TSPAN4: variants seen among roughly 807,000 people sequenced by gnomAD.
TSPAN4 encodes tetraspanin 4, also known as tetraspanin-4.
A neutral mutation model predicts 31.5 loss-of-function variants in TSPAN4; 38 were observed. The observed-to-expected ratio is 1.21, with a 90% CI of 0.93 to 1.58. The LOEUF is 1.58. TSPAN4 is among the 40% of genes most tolerant of loss of function. The pLI is 0.00. For missense variants in TSPAN4, 330 were observed against 317.3 expected, an observed-to-expected ratio of 1.04 and a Z score of -0.30; for synonymous variants, 186 against 144.6, an observed-to-expected ratio of 1.29 and a Z score of -2.06.
Position 848,449 on chromosome 11 carries a change from G to A in TSPAN4, c.-18+1149G>A, listed in dbSNP as rs1296932050. ...GGCATGGGGTGCTGCCCTGGGGCTT[G>A]GGCTGCAGTTCTCTACAGAGCCCTT... On this transcript the variant is annotated intron_variant, in intron 2 of 8. Coordinates refer to ENST00000397397, the MANE Select transcript of TSPAN4 (RefSeq NM_003271.5). This position sits in a 1 kb window ranked among gnomAD's most constrained non-coding sequence, Gnocchi z 5.7. Among the ~76,000 whole-genome samples the A allele has an allele frequency of 6.6e-6, 1 of 151,962 alleles. No homozygotes were observed.
chr11:852,900 A>AC (rs11324063), intron 3 of TSPAN4, among the ~76,000 whole-genome samples: 68,526 of 151,996 alleles, frequency 0.45, 16,032 homozygotes, highest in East Asian at 0.62. Flanking sequence ...GTCTGTCCTG[A>AC]CCCCCCGCTG....
chr11:844,940 C>T (rs1463278128), intron 1 of TSPAN4, among the ~76,000 whole-genome samples: 1 of 152,164 alleles, frequency 6.6e-6, no homozygotes, highest in Non-Finnish European at 1.5e-5. Context: ...ACAGGCCAGC[C>T]ACGGGACCAG....
chr11:866,422 A>G, intron 8 of TSPAN4, 140 bp from the exon 9 acceptor site: 2 of 698,532 alleles, frequency 2.9e-6, no homozygotes, highest in Non-Finnish European at 4.6e-6. Flanking sequence ...GCCACCAGGA[A>G]GCTGAAGGGC....
intron 5 of TSPAN4, 79 bp downstream of exon 5, chr11:864,590 T>C: frequency 6.4e-7 from 1 of 1,565,494 alleles, no homozygotes; most frequent in Non-Finnish European, 8.7e-7. Flanking sequence ...GTGGGCCCGG[T>C]GTGGACAGAG....
At chr11:846,995 A>T (rs1042928055) in intron 1 of TSPAN4, among the ~76,000 whole-genome samples, 5 of 152,162 alleles carry the variant, frequency 3.3e-5, no homozygotes, top group African/African-American at 1.2e-4. Flanking sequence ...TCAGTCATTG[A>T]TTCAGAGCTT....
chr11:864,535 C>A (rs757583894), intron 5 of TSPAN4, 24 bp downstream of exon 5: 1 of 1,610,630 alleles, frequency 6.2e-7, no homozygotes, highest in Admixed American at 1.7e-5. Context: ...GGCCGCAGGC[C>A]CAACTGCAGG....
At chr11:852,901 C>CCA (rs1038175295) in intron 3 of TSPAN4, among the ~76,000 whole-genome samples, 1 of 1,606 alleles carries the variant, frequency 6.2e-4, no homozygotes, top group Admixed American at 7.6e-3. Flanking sequence ...TCTGTCCTGA[C>CCA]CCCCCGCTGC....
intron 5 of TSPAN4, 189 bp downstream of exon 5, chr11:864,700 T>C: frequency 1.4e-6 from 1 of 694,364 alleles, no homozygotes; most frequent in South Asian, 1.8e-5. Context: ...GTGCTGTGGC[T>C]CTATAGCGAC....
chr11:866,510 G>A, intron 8 of TSPAN4, 52 bp from the exon 9 acceptor site: 1 of 1,574,200 alleles, frequency 6.4e-7, no homozygotes, highest in South Asian at 1.1e-5. Flanking sequence ...CTCTGGGCTT[G>A]AGGCCTGAGC....
rs547336368 is a variant in TSPAN4, at chr11:848,103, C to T, written c.-18+803C>T. Among the ~76,000 whole-genome samples the T allele has an allele frequency of 4.6e-4, 70 of 152,328 alleles. No individual in the cohort carries two copies. Among genetic ancestry groups the T allele is most frequent in the African/African-American group, 1.4e-3 (59 of 41,586 alleles). Reference sequence around the variant, plus strand: ...GTGAGCTCCCTGGAGGCGCTGCACACGGCTGAGTGTCTGCCCTCAGGTTGC... The same window carrying T: ...GTGAGCTCCCTGGAGGCGCTGCACATGGCTGAGTGTCTGCCCTCAGGTTGC... On this transcript the variant is annotated intron_variant, in intron 2 of 8. Transcript: ENST00000397397. This position sits in a 1 kb window ranked among gnomAD's most constrained non-coding sequence, Gnocchi z 5.7.
intron 2 of TSPAN4, among the ~76,000 whole-genome samples, chr11:849,568 C>G (rs1385839859): frequency 2.6e-5 from 4 of 152,118 alleles, no homozygotes; most frequent in Non-Finnish European, 5.9e-5. Flanking sequence ...TCCCCAGGCC[C>G]CGGCCCCGGC....
intron 1 of TSPAN4, among the ~76,000 whole-genome samples, chr11:845,644 G>A (rs1012825838): frequency 6.6e-6 from 1 of 152,120 alleles, no homozygotes; most frequent in East Asian, 1.9e-4. Context: ...AGCCTGGGGG[G>A]TGTGGGAAGG....
intron 3 of TSPAN4, among the ~76,000 whole-genome samples, chr11:860,678 C>T (rs887769118): frequency 6.6e-6 from 1 of 152,178 alleles, no homozygotes; most frequent in Non-Finnish European, 1.5e-5. Context: ...AGTCTGGCCA[C>T]TGGGGCTTGG....
chr11:852,347 C>T (rs1294541650), intron 3 of TSPAN4, among the ~76,000 whole-genome samples: 1 of 152,190 alleles, frequency 6.6e-6, no homozygotes, highest in Non-Finnish European at 1.5e-5. Context: ...TGGTCTCGAA[C>T]TCCTGACCTC....
At chr11:850,236 G>A in intron 2 of TSPAN4, 52 bp from the exon 3 acceptor site, 3 of 1,466,440 alleles carry the variant, frequency 2.0e-6, no homozygotes, top group African/African-American at 2.8e-5. Flanking sequence ...GTCGCCCAAG[G>A]GCAACAAGTA....
rs750754716 is a variant in TSPAN4, at chr11:865,496, C to T, written c.331-17C>T. The T allele has an allele frequency of 3.7e-6, 6 of 1,603,634 alleles. No homozygotes were observed. Among genetic ancestry groups the T allele is most frequent in the South Asian group, 1.1e-5 (1 of 90,618 alleles). The stretch of plus-strand genomic sequence containing the variant: ...GTACAGTGGGAGGGGCCCTGCTGAC[C>T]CCCCCCGCACCCCCAGATTGACAGG... On this transcript the variant is annotated splice_polypyrimidine_tract_variant and intron_variant, in intron 5 of 8. Transcript: ENST00000397397.
intron 3 of TSPAN4, among the ~76,000 whole-genome samples, chr11:854,047 G>T (rs1046109694): frequency 3.3e-5 from 5 of 152,312 alleles, no homozygotes; most frequent in Admixed American, 2.6e-4. Context: ...CTCAGCTGCT[G>T]CCAGCGACAC....
chr11:856,035 G>A (rs1357443066), intron 3 of TSPAN4, among the ~76,000 whole-genome samples: 4 of 152,212 alleles, frequency 2.6e-5, no homozygotes, highest in Non-Finnish European at 5.9e-5. Flanking sequence ...CCCTGCCCAA[G>A]GCCTACAGGA....
chr11:864,982 G>C (rs960128076), intron 5 of TSPAN4: 1 of 186,256 alleles, frequency 5.4e-6, no homozygotes, highest in Non-Finnish European at 1.1e-5. Flanking sequence ...CTTGGCCCTG[G>C]GGAGCTTCTG....
Sources: gnomAD v4.1 joint callset for allele counts (sites outside exome capture counted in the v4.1 genomes callset) on GRCh38, gnomAD v4.1.1 for gene constraint, Gnocchi (gnomAD v3.1) non-coding constraint, MANE v1.5 for transcripts, NCBI Gene and HGNC (gene_info 2026-07-23, HGNC 2026-07-21) for gene names.